The following TMEM38A variants were observed in gnomAD, a reference collection of about 807,000 sequenced individuals.
TMEM38A encodes the protein transmembrane protein 38A.
Under a neutral mutation model 28.6 loss-of-function variants are expected in TMEM38A, and 17 were observed. That is an observed-to-expected ratio of 0.60 (90% CI 0.41 to 0.89). The LOEUF is 0.89. Among genes scored for constraint, TMEM38A ranks in the 40% least tolerant of loss-of-function variants. TMEM38A has a pLI of 0.00. For missense variants in TMEM38A, 328 were observed against 393.1 expected (o/e 0.83, Z 1.40); for synonymous variants, 169 against 166.1 (o/e 1.02, Z -0.14).
At chr19:16,677,601 C>T (rs1175432313) in intron 1 of TMEM38A, among the ~76,000 whole-genome samples, 1 of 148,014 alleles carries the variant, frequency 6.8e-6, no homozygotes, top group Non-Finnish European at 1.5e-5. Context: ...CAGGGTCTTG[C>T]TCTGGAGTGC....
chr19:16,668,079 G>A (rs372616292), intron 1 of TMEM38A, among the ~76,000 whole-genome samples: 37 of 151,688 alleles, frequency 2.4e-4, no homozygotes, highest in African/African-American at 9.0e-4. Flanking sequence ...CGTGATGGCG[G>A]GCGCCTGTAG....
intron 1 of TMEM38A, among the ~76,000 whole-genome samples, chr19:16,667,620 G>A (rs1219467005): frequency 2.6e-5 from 4 of 152,048 alleles, no homozygotes; most frequent in Non-Finnish European, 4.4e-5. Flanking sequence ...ACTTTGGGAG[G>A]CCAAGGCGGG....
chr19:16,680,943 G>A (rs2122594748), intron 3 of TMEM38A: 1 of 205,962 alleles, frequency 4.9e-6, no homozygotes, highest in Middle Eastern at 2.0e-3. Context: ...CCACCCACGA[G>A]ATGCCAGTAG....
chr19:16,673,175 G>A (rs768571836), intron 1 of TMEM38A, among the ~76,000 whole-genome samples: 3 of 152,002 alleles, frequency 2.0e-5, no homozygotes, highest in Non-Finnish European at 4.4e-5. Context: ...TCCACCTCCC[G>A]GGTTCAAGCG....
chr19:16,675,359 C>A (rs10405581), intron 1 of TMEM38A, among the ~76,000 whole-genome samples: 4,245 of 151,660 alleles, frequency 0.028, 158 homozygotes, highest in Admixed American at 0.087. Flanking sequence ...TCAGAAGTAG[C>A]TGGGAATACA....
rs907712153 is a variant in TMEM38A at position 16,668,238 on chromosome 19, TTAAA to T, written c.124+6905_124+6908del. Among the ~76,000 whole-genome samples, 4 of 149,746 alleles carry T rather than the reference TTAAA, an allele frequency of 2.7e-5. 1 individual carries two copies. The highest frequency in any genetic ancestry group is 9.8e-5 in the African/African-American group (4 of 40,778). ...AAATAAATAATAAATAATAAATTAA[TTAAA>T]TAAATAACTCAGAATCATGGGGCTG... On this transcript the variant is annotated intron_variant, in intron 1 of 5. Transcript: ENST00000187762.
intron 4 of TMEM38A, among the ~76,000 whole-genome samples, chr19:16,683,674 G>T (rs1392409428): frequency 6.6e-6 from 1 of 150,974 alleles, no homozygotes; most frequent in Non-Finnish European, 1.5e-5. Context: ...ATATTAGAGA[G>T]AATTATCATC....
Position 16,661,170 on chromosome 19 carries a change from C to G in TMEM38A, c.-48C>G, listed in dbSNP as rs1382075849. On this transcript the variant is annotated 5_prime_UTR_variant, in exon 1 of 6. Transcript: ENST00000187762. The surrounding 1 kb of genome is among the most constrained non-coding windows in gnomAD (Gnocchi z 6.5). ...GCCGGGCCGCGGGCGGCGGGACGGACGAGGCCGGGGCCCCGGGTGGCACCC... is the reference window on the plus strand; with the variant it reads ...GCCGGGCCGCGGGCGGCGGGACGGAGGAGGCCGGGGCCCCGGGTGGCACCC... 3 of 1,188,238 alleles carry G rather than the reference C, an allele frequency of 2.5e-6. No homozygotes were observed. Among genetic ancestry groups the G allele is most frequent in the African/African-American group, 3.3e-5 (2 of 61,382 alleles). 73.6% of individuals were successfully genotyped at this position (1,188,238 alleles called of 1,614,324 possible). A position where few individuals can be genotyped will look rare whatever the true frequency, so the allele number is the denominator to read the frequency against.
Position 16,680,458 on chromosome 19 carries a change from A to C in TMEM38A, c.343A>C (p.Lys115Gln). ...CAAGTGTGTCTGCTTCCTGCCTGTG[A>C]AACTCATCTTCGTGGCCATGAAGGA... ...FYKCVCFLPVKLIFVAMKEVV... is the reference protein window; with the variant it reads ...FYKCVCFLPVQLIFVAMKEVV... The change falls in exon 3 of 6, where the codon AAA becomes CAA. Residue 115 changes from lysine (K) to glutamine (Q), a missense_variant. Coordinates refer to ENST00000187762, the MANE Select transcript of TMEM38A (RefSeq NM_024074.4). 6.2e-7 allele frequency: 1 copy of C among 1,614,118 alleles called. No individual in the cohort carries two copies. The highest frequency in any genetic ancestry group is 8.5e-7 in the Non-Finnish European group (1 of 1,180,016).
At chr19:16,664,325 G>A (rs1443392417) in intron 1 of TMEM38A, among the ~76,000 whole-genome samples, 1 of 152,168 alleles carries the variant, frequency 6.6e-6, no homozygotes, top group African/African-American at 2.4e-5. Flanking sequence ...GCTGAGACAT[G>A]AGAATAGCTT....
chr19:16,663,534 C>CA (rs2086691024), intron 1 of TMEM38A, among the ~76,000 whole-genome samples: 5 of 143,580 alleles, frequency 3.5e-5, no homozygotes, highest in African/African-American at 1.3e-4. Context: ...TTTTTCTTTT[C>CA]TTTTTTTTTT....
At chr19:16,687,293 C>A (rs1382232302) in intron 5 of TMEM38A, among the ~76,000 whole-genome samples, 1 of 151,624 alleles carries the variant, frequency 6.6e-6, no homozygotes, top group Non-Finnish European at 1.5e-5. Context: ...GATCGCACCA[C>A]CGCACTCCAG....
At chr19:16,679,641 C>G (rs936896489) in intron 1 of TMEM38A, among the ~76,000 whole-genome samples, 2 of 152,044 alleles carry the variant, frequency 1.3e-5, no homozygotes, top group African/African-American at 4.8e-5. Flanking sequence ...GCCCGTCTCA[C>G]CAAGCCTCAG....
intron 1 of TMEM38A, among the ~76,000 whole-genome samples, chr19:16,668,607 T>C (rs2086713612): frequency 6.6e-6 from 1 of 151,912 alleles, no homozygotes; most frequent in Non-Finnish European, 1.5e-5. Context: ...CCCAAAGTGT[T>C]GGGATTACAG....
chr19:16,678,945 T>TG (rs1205441558), intron 1 of TMEM38A, among the ~76,000 whole-genome samples: 4 of 151,402 alleles, frequency 2.6e-5, no homozygotes, highest in African/African-American at 9.7e-5. Context: ...GTCCAAGAGT[T>TG]GGAGACCAGC....
intron 1 of TMEM38A, among the ~76,000 whole-genome samples, chr19:16,662,436 C>CTTTTTTTTTTT (rs35226829): frequency 5.3e-5 from 4 of 75,824 alleles, no homozygotes; most frequent in African/African-American, 1.1e-4. Flanking sequence ...TAAATGCACG[C>CTTTTTTTTTTT]TTTTTTTTTT....
At chr19:16,679,375 G>A (rs2086769572) in intron 1 of TMEM38A, among the ~76,000 whole-genome samples, 1 of 151,094 alleles carries the variant, frequency 6.6e-6, no homozygotes, top group Admixed American at 6.6e-5. Flanking sequence ...TCAGCTCACT[G>A]CAGCCTCCAC....
Position 16,682,414 on chromosome 19 carries a change from C to T in TMEM38A, c.467-7C>T. On this transcript the variant is annotated splice_region_variant and splice_polypyrimidine_tract_variant and intron_variant, in intron 3 of 5. Coordinates refer to ENST00000187762, the MANE Select transcript of TMEM38A (RefSeq NM_024074.4). ...GTGGGCTTGTTCAGAAGCACCCTGT[C>T]CTGTAGGTTCTGGTGTCGCCCTCAT... 2 of 1,613,856 alleles carry T rather than the reference C, an allele frequency of 1.2e-6. No individual in the cohort carries two copies.
At chr19:16,681,814 G>A (rs1308090703) in intron 3 of TMEM38A, among the ~76,000 whole-genome samples, 11 of 152,116 alleles carry the variant, frequency 7.2e-5, no homozygotes, top group African/African-American at 2.4e-4. Context: ...CCCCAGATGC[G>A]ATTCCCTGGT....
Sources: allele counts gnomAD v4.1 joint callset (sites outside exome capture counted in the v4.1 genomes callset), GRCh38; gene constraint gnomAD v4.1.1; non-coding constraint Gnocchi (gnomAD v3.1); transcripts MANE v1.5; gene names NCBI Gene and HGNC (gene_info 2026-07-23, HGNC 2026-07-21).